BANK1: variants seen among roughly 807,000 people sequenced by gnomAD.
BANK1 encodes the protein B-cell scaffold protein with ankyrin repeats.
A neutral mutation model predicts 94.5 loss-of-function variants in BANK1; 95 were observed. That is an observed-to-expected ratio of 1.00 (90% CI 0.85 to 1.19). The LOEUF (loss-of-function observed/expected upper bound fraction) is 1.19, where lower values mean the gene tolerates loss of function less well. Ranked by LOEUF, BANK1 falls within the 50% of genes most tolerant of loss-of-function variation. The pLI is 0.00. For missense variants in BANK1, 987 were observed against 932.2 expected (o/e 1.06, Z -0.77); for synonymous variants, 334 against 308.4 (o/e 1.08, Z -0.87).
intron 7 of BANK1, among the ~76,000 whole-genome samples, chr4:102,010,220 C>A (rs186446491): frequency 3.3e-5 from 5 of 151,674 alleles, no homozygotes; most frequent in Non-Finnish European, 5.9e-5. Flanking sequence ...AGCAGAGATC[C>A]AGCCACTGCA....
intron 10 of BANK1, among the ~76,000 whole-genome samples, chr4:102,037,831 C>T (rs2148953836): frequency 6.6e-6 from 1 of 152,204 alleles, no homozygotes; most frequent in South Asian, 2.1e-4. Flanking sequence ...AATGATAGTT[C>T]CTGTGATGGA....
intron 5 of BANK1, among the ~76,000 whole-genome samples, chr4:101,888,679 A>G (rs1302593837): frequency 1.3e-5 from 2 of 152,230 alleles, no homozygotes; most frequent in Non-Finnish European, 2.9e-5. Context: ...ATAAAAGTAG[A>G]CATTTAGAAA....
In BANK1 at chr4:101,970,087, ACCTCTCTAATCCTCTGTTTCCT is replaced by A. The variant is rs1429062662; in HGVS notation, c.1207-51421_1207-51400del. On this transcript the variant is annotated intron_variant, in intron 7 of 16. Transcript: ENST00000322953. ...TGCTTGATCTTGGGTAAGTTATTTC[ACCTCTCTAATCCTCTGTTTCCT>A]CCTCTAAGTTCCCATCATTCCAGCT... Among the ~76,000 whole-genome samples, 3 of 151,944 alleles carry A rather than the reference ACCTCTCTAATCCTCTGTTTCCT, an allele frequency of 2.0e-5. No individual in the cohort carries two copies. In the East Asian group the frequency reaches 5.8e-4, roughly 29 times the overall value.
intron 10 of BANK1, among the ~76,000 whole-genome samples, chr4:102,039,377 G>C (rs1727630904): frequency 6.6e-6 from 1 of 152,076 alleles, no homozygotes; most frequent in Admixed American, 6.6e-5. Flanking sequence ...TTTCCTCTAA[G>C]CTTCAGATTA....
chr4:101,919,604 A>G (rs1448502932), intron 7 of BANK1, among the ~76,000 whole-genome samples: 1 of 152,002 alleles, frequency 6.6e-6, no homozygotes, highest in Non-Finnish European at 1.5e-5. Context: ...CTAGGTGACA[A>G]TCACTTTTTC....
chr4:101,827,576 C>T (rs1368331628), intron 1 of BANK1, among the ~76,000 whole-genome samples: 2 of 151,944 alleles, frequency 1.3e-5, no homozygotes, highest in East Asian at 1.9e-4. Flanking sequence ...TCATAATGCC[C>T]TCAGCATTTG....
intron 2 of BANK1, among the ~76,000 whole-genome samples, chr4:101,853,035 A>G (rs548922720): frequency 6.6e-6 from 1 of 152,090 alleles, no homozygotes; most frequent in Admixed American, 6.5e-5. Flanking sequence ...TGATTTGTGT[A>G]TGTCTATGTG....
intron 1 of BANK1, among the ~76,000 whole-genome samples, chr4:101,824,002 A>G (rs1424116444): frequency 6.6e-6 from 1 of 152,238 alleles, no homozygotes; most frequent in Non-Finnish European, 1.5e-5. Flanking sequence ...AGAAAGGGAG[A>G]AAAGACAATG....
At chr4:102,054,332 A>T (rs1728155212) in intron 11 of BANK1, among the ~76,000 whole-genome samples, 1 of 152,124 alleles carries the variant, frequency 6.6e-6, no homozygotes, top group South Asian at 2.1e-4. Context: ...GAGCTTTAAC[A>T]GAAGCCTGAA....
chr4:101,824,006 G>C (rs1314195059), intron 1 of BANK1, among the ~76,000 whole-genome samples: 1 of 152,190 alleles, frequency 6.6e-6, no homozygotes, highest in East Asian at 1.9e-4. Context: ...AGGGAGAAAA[G>C]ACAATGTGTG....
intron 2 of BANK1, among the ~76,000 whole-genome samples, chr4:101,852,491 T>TATATATATATATAC (rs1438483224): frequency 1.8e-5 from 2 of 112,592 alleles, no homozygotes; most frequent in South Asian, 5.2e-4. Flanking sequence ...TATATATATA[T>TATATATATATATAC]ATATATATAT....
At chr4:101,822,320 C>T (rs142895199) in intron 1 of BANK1, among the ~76,000 whole-genome samples, 3 of 151,126 alleles carry the variant, frequency 2.0e-5, no homozygotes, top group Non-Finnish European at 4.4e-5. Flanking sequence ...AACTGAGCCC[C>T]AAGATCACGC....
chr4:101,910,453 G>A (rs578057016), intron 6 of BANK1, among the ~76,000 whole-genome samples: 41 of 151,830 alleles, frequency 2.7e-4, no homozygotes, highest in East Asian at 1.2e-3. Context: ...AGGCCGAGGC[G>A]GGCTGATCAC....
intron 2 of BANK1, among the ~76,000 whole-genome samples, chr4:101,839,170 A>G (rs915796712): frequency 6.6e-6 from 1 of 152,220 alleles, no homozygotes; most frequent in African/African-American, 2.4e-5. Context: ...AGTTTTCATG[A>G]GTGATTTCAA....
chr4:101,893,141 T>C (rs1201523591), intron 5 of BANK1, among the ~76,000 whole-genome samples: 1 of 152,052 alleles, frequency 6.6e-6, no homozygotes, highest in Non-Finnish European at 1.5e-5. Context: ...GACCTTTTTT[T>C]CTCATTCTGA....
In BANK1 at chr4:101,870,662, C is replaced by T. The variant is rs377468246; in HGVS notation, c.903+18C>T. On this transcript the variant is annotated intron_variant, in intron 5 of 16. Transcript: ENST00000322953. ...TGTGCCAGGTAAGTTAATCTTTCCA[C>T]GAAGTTAATCATAATGTAAGCTGAA... 55 of 1,603,078 alleles carry T rather than the reference C, an allele frequency of 3.4e-5. No individual in the cohort carries two copies. The African/African-American group carries it at 6.2e-4, about 18-fold the overall frequency.
chr4:101,966,100 T>C (rs1430247700), intron 7 of BANK1, among the ~76,000 whole-genome samples: 1 of 152,130 alleles, frequency 6.6e-6, no homozygotes, highest in Non-Finnish European at 1.5e-5. Flanking sequence ...GATTGGCTTA[T>C]TGATTTTTAA....
intron 7 of BANK1, among the ~76,000 whole-genome samples, chr4:101,989,244 A>G (rs1313235149): frequency 6.6e-6 from 1 of 152,102 alleles, no homozygotes; most frequent in Admixed American, 6.6e-5. Flanking sequence ...GGAGTTCGAG[A>G]CCAGCCTGGT....
chr4:101,941,605 C>G (rs1195066406), intron 7 of BANK1, among the ~76,000 whole-genome samples: 1 of 151,676 alleles, frequency 6.6e-6, no homozygotes, highest in African/African-American at 2.4e-5. Flanking sequence ...GGAGCTTTGT[C>G]CCAGAGGCTG....
Sources: gnomAD v4.1 joint callset for allele counts (sites outside exome capture counted in the v4.1 genomes callset) on GRCh38, gnomAD v4.1.1 for gene constraint, MANE v1.5 for transcripts, NCBI Gene and HGNC (gene_info 2026-07-23, HGNC 2026-07-21) for gene names.